AMD1: variants seen among roughly 807,000 people sequenced by gnomAD.
AMD1 encodes the protein adenosylmethionine decarboxylase 1.
AMD1 carries 11 observed loss-of-function variants against 40.2 expected under a neutral mutation model. The observed-to-expected ratio is 0.27, with a 90% confidence interval of 0.17 to 0.45. The LOEUF is 0.45. AMD1 is among the 20% of genes least tolerant of loss of function. AMD1 has a pLI of 1.00. For missense variants in AMD1, 257 were observed against 410.2 expected (o/e 0.63, Z 3.23); for synonymous variants, 121 against 130.8 (o/e 0.93, Z 0.51).
the AMD1 span, among the ~76,000 whole-genome samples, chr6:110,856,207 G>T: frequency 6.6e-6 from 1 of 152,052 alleles, no homozygotes; most frequent in Admixed American, 6.6e-5. Context: ...CCTTTCTCTG[G>T]GATTGTACAG....
intron 1 of AMD1, among the ~76,000 whole-genome samples, chr6:110,885,082 T>A (rs1307212443): frequency 6.6e-6 from 1 of 152,214 alleles, no homozygotes; most frequent in African/African-American, 2.4e-5. Context: ...TAAATTTATC[T>A]TAGTCAAGTG....
intron 4 of AMD1, chr6:110,891,697 C>CT: frequency 1.2e-5 from 2 of 171,718 alleles, no homozygotes; most frequent in South Asian, 1.3e-4. Flanking sequence ...GTCAGTCGAT[C>CT]CTGCTTATCT....
intron 1 of AMD1, among the ~76,000 whole-genome samples, chr6:110,886,290 GC>G (rs2115298403): frequency 6.6e-6 from 1 of 150,998 alleles, no homozygotes; most frequent in Non-Finnish European, 1.5e-5. Flanking sequence ...ATATCATAAG[GC>G]TTAAAAATTT....
the AMD1 span, among the ~76,000 whole-genome samples, chr6:110,828,240 G>A: frequency 6.6e-6 from 1 of 152,174 alleles, no homozygotes; most frequent in Non-Finnish European, 1.5e-5. Context: ...AGACCAGCCT[G>A]GCCAACATGG....
upstream of AMD1, among the ~76,000 whole-genome samples, chr6:110,871,571 G>C (rs1784919517): frequency 6.6e-6 from 1 of 152,186 alleles, no homozygotes; most frequent in Admixed American, 6.5e-5. Flanking sequence ...GTGATTTGTT[G>C]TGTAAAGGGT....
At chr6:110,883,432 C>T (rs117478377) in intron 1 of AMD1, among the ~76,000 whole-genome samples, 2,860 of 152,270 alleles carry the variant, frequency 0.019, 35 homozygotes, top group Non-Finnish European at 0.031. Context: ...CTCTAGTTCT[C>T]CTCTGCAAAG....
At chr6:110,884,039 C>G (rs752887046) in intron 1 of AMD1, among the ~76,000 whole-genome samples, 38 of 152,328 alleles carry the variant, frequency 2.5e-4, no homozygotes, top group Admixed American at 5.9e-4. Flanking sequence ...TTGCATGGAT[C>G]TGACCCTAAA....
chr6:110,889,119 C>G (rs772097645), intron 3 of AMD1, 136 bp downstream of exon 3: 2 of 967,680 alleles, frequency 2.1e-6, no homozygotes, highest in Non-Finnish European at 2.8e-6. Flanking sequence ...GTGTTCATAC[C>G]TTAGGAAGAG....
chr6:110,837,731 A>ATAT, the AMD1 span, among the ~76,000 whole-genome samples: 1 of 108,180 alleles, frequency 9.2e-6, no homozygotes, highest in African/African-American at 3.9e-5. Flanking sequence ...AAAAAAAAAA[A>ATAT]AAAAAAAAAA....
the AMD1 span, among the ~76,000 whole-genome samples, chr6:110,843,309 A>G: frequency 1.4e-5 from 2 of 147,632 alleles, no homozygotes; most frequent in Non-Finnish European, 3.0e-5. Flanking sequence ...TAAAAATACA[A>G]AAAAATTAGC....
At chr6:110,881,744 G>T (rs1785418403) in intron 1 of AMD1, among the ~76,000 whole-genome samples, 1 of 151,626 alleles carries the variant, frequency 6.6e-6, no homozygotes, top group South Asian at 2.1e-4. Flanking sequence ...AGACTTGCTT[G>T]AACCTGGGAG....
chr6:110,845,404 A>G, the AMD1 span, among the ~76,000 whole-genome samples: 1 of 152,136 alleles, frequency 6.6e-6, no homozygotes, highest in Non-Finnish European at 1.5e-5. Flanking sequence ...TAGACCATTC[A>G]TGAGAGATCT....
In AMD1 at chr6:110,891,698, C is replaced by A. The variant is rs540126070; in HGVS notation, c.428-463C>A. 3.5e-5 allele frequency: 6 copies of A among 172,878 alleles called. No individual in the cohort carries two copies. The South Asian group carries it at 7.9e-4, about 23-fold the overall frequency. 10.7% of individuals were successfully genotyped at this position (172,878 alleles called of 1,614,324 possible). ...CAAATACCCGCCAAGTCAGTCGATC[C>A]TGCTTATCTGGGAATTTACCTACTG... On this transcript the variant is annotated intron_variant, in intron 4 of 8. Coordinates refer to ENST00000368885, the MANE Select transcript of AMD1 (RefSeq NM_001634.6).
At chr6:110,880,416 A>G (rs1785341246) in intron 1 of AMD1, among the ~76,000 whole-genome samples, 1 of 152,190 alleles carries the variant, frequency 6.6e-6, no homozygotes. Flanking sequence ...ATTGTATGTC[A>G]TATCCAAGAA....
the AMD1 span, among the ~76,000 whole-genome samples, chr6:110,836,699 C>A: frequency 1.3e-5 from 2 of 151,868 alleles, no homozygotes; most frequent in Admixed American, 1.3e-4. Context: ...GTTAAGAAAA[C>A]CTTTTTGTAC....
the AMD1 span, among the ~76,000 whole-genome samples, chr6:110,820,961 A>G: frequency 2.6e-5 from 4 of 152,172 alleles, no homozygotes; most frequent in Admixed American, 6.5e-5. Context: ...GGACCAGACA[A>G]CAGAACATAG....
chr6:110,858,952 A>G, the AMD1 span: 3 of 1,052,674 alleles, frequency 2.8e-6, no homozygotes, highest in Non-Finnish European at 4.5e-6. Flanking sequence ...AAGTGTGACA[A>G]CTCCTCCATG....
the AMD1 span, among the ~76,000 whole-genome samples, chr6:110,816,299 T>C: frequency 6.6e-6 from 1 of 152,258 alleles, no homozygotes; most frequent in East Asian, 1.9e-4. Flanking sequence ...TTGTAAAGGA[T>C]TTTTTATGGT....
chr6:110,874,844 A>G lies in AMD1; in HGVS notation c.-262A>G. 2.5e-6 allele frequency: 1 copy of G among 405,588 alleles called. No individual in the cohort carries two copies. The highest frequency in any genetic ancestry group is 3.2e-5 in the South Asian group (1 of 31,172). 25.1% of individuals were successfully genotyped at this position (405,588 alleles called of 1,614,324 possible). A position where few individuals can be genotyped will look rare whatever the true frequency, so the allele number is the denominator to read the frequency against. On this transcript the variant is annotated 5_prime_UTR_variant, in exon 1 of 9. Transcript: ENST00000368885. ...CTCGCTCTACTCTCTCTAACGGGAA[A>G]GCAGCGGAATACAAGAGACTGAACT...
Sources: gnomAD v4.1 joint callset for allele counts (sites outside exome capture counted in the v4.1 genomes callset) on GRCh38, gnomAD v4.1.1 for gene constraint, MANE v1.5 for transcripts, NCBI Gene and HGNC (gene_info 2026-07-23, HGNC 2026-07-21) for gene names.